RWDD3: variants seen among roughly 807,000 people sequenced by gnomAD.
RWDD3 encodes RWD domain-containing protein 3.
In RWDD3, 30 loss-of-function variants were observed where a neutral mutation model predicts 26.5. That is an observed-to-expected ratio of 1.13 (90% confidence interval 0.85 to 1.54). The LOEUF is 1.54. Among genes scored for constraint, RWDD3 ranks in the 40% most tolerant of loss-of-function variants. The pLI is 0.00. For synonymous variants in RWDD3, 113 were observed against 114.5 expected, an observed-to-expected ratio of 0.99 and a Z score of 0.09; for missense variants, 296 against 309.1, an observed-to-expected ratio of 0.96 and a Z score of 0.32.
At chr1:95,236,332 G>GAA (rs34943862) in intron 1 of RWDD3, among the ~76,000 whole-genome samples, 12,815 of 141,926 alleles carry the variant, frequency 0.09, 625 homozygotes, top group Admixed American at 0.1. Context: ...CTCTGTCTCA[G>GAA]AAAAAAAAAA....
chr1:95,234,392 G>A (rs1680190450), intron 1 of RWDD3, 77 bp downstream of exon 1: 1 of 1,383,546 alleles, frequency 7.2e-7, no homozygotes, highest in Non-Finnish European at 1.0e-6. Flanking sequence ...TCCCCACCAC[G>A]GAGCCTGGGC....
In RWDD3 at chr1:95,244,501, A is replaced by T. The variant is rs773724559; in HGVS notation, c.376A>T (p.Lys126Ter). Residue 126 changes from lysine to a stop codon, truncating the protein, a stop_gained, in exon 2 of 4, where the codon AAG becomes TAG. Coordinates refer to ENST00000370202, the MANE Select transcript of RWDD3 (RefSeq NM_015485.5). LOFTEE classifies it high-confidence loss of function. ...SQPETGSGSE[K>*]CTFSTSTTMD... The stretch of plus-strand genomic sequence containing the variant: ...ACCAGAAACTGGCAGTGGCAGTGAA[A>T]AGTGTACTTTTTCAACAAGCACGAC... 6.2e-7 allele frequency: 1 copy of T among 1,614,170 alleles called. No individual in the cohort carries two copies. The highest frequency in any genetic ancestry group is 8.5e-7 in the Non-Finnish European group (1 of 1,180,018).
chr1:95,241,816 G>T (rs993293556), intron 1 of RWDD3, among the ~76,000 whole-genome samples: 1 of 152,120 alleles, frequency 6.6e-6, no homozygotes, highest in East Asian at 1.9e-4. Flanking sequence ...AATGACAAGG[G>T]TCATGAGTAA....
intron 1 of RWDD3, chr1:95,237,309 C>T (rs1680401841): frequency 6.6e-6 from 1 of 152,204 alleles, no homozygotes; most frequent in Non-Finnish European, 1.5e-5. Context: ...TACCAGAACA[C>T]TCTAAACACT....
rs570479737 is a variant in RWDD3 at position 95,239,798 on chromosome 1, A to G, written c.86-4413A>G. The G allele has an allele frequency of 9.3e-5, 120 of 1,286,586 alleles. No individual in the cohort carries two copies. In the African/African-American group the frequency reaches 1.6e-3, roughly 17 times the overall value. 79.7% of individuals were successfully genotyped at this position (1,286,586 alleles called of 1,614,324 possible). ...CTAGGACCAGAAAATAACACAGAGA[A>G]AAATGAAAATTGGTAAGGACTGACA... On this transcript the variant is annotated intron_variant, in intron 1 of 3. Transcript: ENST00000370202.
At position 95,242,667 on chromosome 1, in the gene RWDD3, C is replaced by T. The variant is rs894260510; in HGVS notation, c.86-1544C>T. 3.3e-5 allele frequency among the ~76,000 whole-genome samples: 5 copies of T among 151,894 alleles called. No individual in the cohort carries two copies. In the South Asian group the frequency reaches 6.2e-4, roughly 19 times the overall value. On this transcript the variant is annotated intron_variant, in intron 1 of 3. Transcript: ENST00000370202. Reference sequence around the variant, plus strand: ...GGTGCGGTGGCTCATGCCTGTAATCCCAGCACTTTGGGAGGCCAAGGCGGG... The same window carrying T: ...GGTGCGGTGGCTCATGCCTGTAATCTCAGCACTTTGGGAGGCCAAGGCGGG...
intron 1 of RWDD3, among the ~76,000 whole-genome samples, chr1:95,239,427 A>T (rs1680510773): frequency 6.6e-6 from 1 of 152,180 alleles, no homozygotes; most frequent in South Asian, 2.1e-4. Context: ...AGCAGATGAG[A>T]TATGGAAGAG....
At chr1:95,240,141 C>T (rs770103464) in intron 1 of RWDD3, among the ~76,000 whole-genome samples, 1 of 152,168 alleles carries the variant, frequency 6.6e-6, no homozygotes, top group Non-Finnish European at 1.5e-5. Context: ...TTAATCATGT[C>T]TGCAGAGGCT....
intron 1 of RWDD3, 34 bp from the exon 2 acceptor site, chr1:95,244,177 G>T: frequency 6.3e-7 from 1 of 1,598,056 alleles, no homozygotes; most frequent in Non-Finnish European, 8.5e-7. Flanking sequence ...ATTGAATAAT[G>T]TACAGCTAAT....
intron 1 of RWDD3, among the ~76,000 whole-genome samples, chr1:95,241,071 C>T (rs955157603): frequency 6.6e-6 from 1 of 151,514 alleles, no homozygotes; most frequent in African/African-American, 2.4e-5. Context: ...AAACAAAAAA[C>T]AAGCACAAGA....
At chr1:95,245,747 A>G (rs552825610) in intron 2 of RWDD3, among the ~76,000 whole-genome samples, 1 of 152,180 alleles carries the variant, frequency 6.6e-6, no homozygotes, top group Non-Finnish European at 1.5e-5. Flanking sequence ...AAAAATAAAT[A>G]CAAATTAATT....
rs746318565 is a variant in RWDD3 at position 95,244,297 on chromosome 1, CCAGT to C, written c.175_178del (p.Val59IlefsTer16). ...ACCTCTGGAATTGGTGTTCCATTTG[CCAGT>C]CAATTATCCTTCATGTCTACCTGGT... is the stretch of plus-strand genomic sequence containing the variant. On this transcript the variant is annotated frameshift_variant, in exon 2 of 4. Coordinates refer to ENST00000370202, the MANE Select transcript of RWDD3 (RefSeq NM_015485.5). LOFTEE classifies it high-confidence loss of function. 6.2e-7 allele frequency: 1 copy of C among 1,614,072 alleles called. No individual in the cohort carries two copies. Among genetic ancestry groups the C allele is most frequent in the South Asian group, 1.1e-5 (1 of 91,084 alleles).
rs753824116 is a variant in RWDD3, at chr1:95,234,312, T to A, written c.82T>A (p.Ser28Thr). ...RPHEWEVLSR[S>T]ETDGTVFRIH... ...CCACGAGTGGGAGGTGCTGAGCCGC[T>A]CAGGTGACTACCCGCGCGCGGGAGG... The change falls in exon 1 of 4, where the codon TCA becomes ACA. Residue 28 changes from serine (S) to threonine (T), a missense_variant. Coordinates refer to ENST00000370202, the MANE Select transcript of RWDD3 (RefSeq NM_015485.5). 1.4e-5 allele frequency: 22 copies of A among 1,591,742 alleles called. No individual in the cohort carries two copies. The highest frequency in any genetic ancestry group is 1.9e-5 in the Non-Finnish European group (22 of 1,169,338).
chr1:95,246,772 GTCAAAGAGTATTCAGCGT>G lies in RWDD3; in HGVS notation c.708_725del (p.Lys237_Leu242del). 1.3e-6 allele frequency: 2 copies of G among 1,562,376 alleles called. No homozygotes were observed. Among genetic ancestry groups the G allele is most frequent in the Non-Finnish European group, 1.7e-6 (2 of 1,157,898 alleles). On this transcript the variant is annotated inframe_deletion, in exon 4 of 4. Coordinates refer to ENST00000370202, the MANE Select transcript of RWDD3 (RefSeq NM_015485.5). ...ATAATGCAGGTTTCTGGCATTTGAA[GTCAAAGAGTATTCAGCGT>G]TGGATGAATTACAAAAGGAATTTGA...
Position 95,234,325 on chromosome 1 carries a change from C to G in RWDD3, c.85+10C>G, listed in dbSNP as rs753247419. 6.3e-7 allele frequency: 1 copy of G among 1,583,816 alleles called. No individual in the cohort carries two copies. The highest frequency in any genetic ancestry group is 2.3e-5 in the East Asian group (1 of 43,298). ...GTGCTGAGCCGCTCAGGTGACTACC[C>G]GCGCGCGGGAGGGACAGGGCGCCCT... is the stretch of plus-strand genomic sequence containing the variant. On this transcript the variant is annotated intron_variant, in intron 1 of 3. Coordinates refer to ENST00000370202, the MANE Select transcript of RWDD3 (RefSeq NM_015485.5).
intron 1 of RWDD3, among the ~76,000 whole-genome samples, chr1:95,238,877 G>A (rs141455554): frequency 0.013 from 2,023 of 152,208 alleles, 65 homozygotes; most frequent in African/African-American, 0.047. Flanking sequence ...TTTCTGTTTG[G>A]AATGTGTTTA....
chr1:95,235,186 A>G (rs1397066963), intron 1 of RWDD3, among the ~76,000 whole-genome samples: 1 of 148,742 alleles, frequency 6.7e-6, no homozygotes, highest in Non-Finnish European at 1.5e-5. Context: ...AGCTGGGACT[A>G]CAGGCGCCCA....
intron 2 of RWDD3, among the ~76,000 whole-genome samples, chr1:95,245,121 A>G (rs969502700): frequency 3.3e-5 from 5 of 152,236 alleles, no homozygotes; most frequent in African/African-American, 1.2e-4. Context: ...GCTGTTAAAA[A>G]TACATTCTGA....
intron 2 of RWDD3, chr1:95,244,943 A>G (rs1557723048): frequency 4.5e-6 from 2 of 447,700 alleles, no homozygotes; most frequent in East Asian, 4.0e-5. Flanking sequence ...ATAAAGTGAC[A>G]GGTTATTTAA....
Sources: gnomAD v4.1 joint callset for allele counts (sites outside exome capture counted in the v4.1 genomes callset) on GRCh38, gnomAD v4.1.1 for gene constraint, MANE v1.5 for transcripts, NCBI Gene and HGNC (gene_info 2026-07-23, HGNC 2026-07-21) for gene names.